Variants in TRIM6 observed in about 807,000 individuals in gnomAD.
The protein encoded by TRIM6 is tripartite motif containing 6.
TRIM6 carries 43 observed loss-of-function variants against 51.2 expected under a neutral mutation model. That is an observed-to-expected ratio of 0.84 (90% CI 0.66 to 1.08). TRIM6 has a LOEUF of 1.08. TRIM6 is among the 50% of genes least tolerant of loss of function. The probability of loss-of-function intolerance (pLI) is 0.00; values close to 1 mark genes in which losing one functional copy is unlikely to be tolerated. For missense variants in TRIM6, 669 were observed against 619.0 expected, an observed-to-expected ratio of 1.08 and a Z score of -0.86; for synonymous variants, 215 against 232.4, an observed-to-expected ratio of 0.93 and a Z score of 0.68.
intron 1 of TRIM6, among the ~76,000 whole-genome samples, chr11:5,597,519 A>C (rs909063024): frequency 6.6e-6 from 1 of 152,208 alleles, no homozygotes; most frequent in Non-Finnish European, 1.5e-5. Flanking sequence ...TAATAGGTTA[A>C]ATATAACCCT....
rs1267907560 is a variant in TRIM6, at chr11:5,610,163, G to C, written c.876G>C (p.Leu292=). The C allele has an allele frequency of 6.2e-7, 1 of 1,614,134 alleles. No homozygotes were observed. The highest frequency in any genetic ancestry group is 8.5e-7 in the Non-Finnish European group (1 of 1,180,008). Residue 292 remains leucine, a synonymous_variant, in exon 6 of 8, where the codon CTG becomes CTC. Transcript: ENST00000380097. ...TTTCTAGGAGTGAGTTCTGGACCCTGAGGAAGCCAGAAGCTCTCCCTACAA... is the reference window on the plus strand; with the variant it reads ...TTTCTAGGAGTGAGTTCTGGACCCTCAGGAAGCCAGAAGCTCTCCCTACAA... ...DVTERSEFWT[L]RKPEALPTKL... is the part of the protein sequence containing the mutation.
At chr11:5,605,307 G>T (rs1167823180) in intron 3 of TRIM6, 30 bp from the exon 4 acceptor site, 1 of 1,613,346 alleles carries the variant, frequency 6.2e-7, no homozygotes, top group East Asian at 2.2e-5. Flanking sequence ...TGACCGACTA[G>T]CAGCCTCTTT....
chr11:5,605,382 C>T lies in TRIM6; in HGVS notation c.649C>T (p.Gln217Ter). The T allele has an allele frequency of 1.2e-6, 2 of 1,614,138 alleles. No homozygotes were observed. Among genetic ancestry groups the T allele is most frequent in the South Asian group, 2.2e-5 (2 of 91,078 alleles). The change falls in exon 4 of 8, where the codon CAG becomes TAG. Residue 217 changes from glutamine (Q) to a stop codon, truncating the protein, a stop_gained. Coordinates refer to ENST00000380097, the MANE Select transcript of TRIM6 (RefSeq NM_001003818.3). LOFTEE classifies it high-confidence loss of function. ...ERCRIQTEFN[Q>*]LRNILDRVEQ... ...ATGCAGGATCCAGACAGAGTTTAATCAGCTGCGAAATATCCTAGACAGAGT... is the reference window on the plus strand; with the variant it reads ...ATGCAGGATCCAGACAGAGTTTAATTAGCTGCGAAATATCCTAGACAGAGT...
chr11:5,610,781 C>T lies in TRIM6; in HGVS notation c.990C>T (p.Asp330=), dbSNP rs773588622. The T allele has an allele frequency of 1.2e-5, 20 of 1,613,730 alleles. No individual in the cohort carries two copies. The highest frequency in any genetic ancestry group is 6.7e-5 in the East Asian group (3 of 44,894). The change falls in exon 8 of 8, where the codon GAC becomes GAT. Residue 330 remains aspartate (D), a synonymous_variant. Transcript: ENST00000380097. ...ELTDVQSYWV[D]VTLNPHTANL... is the part of the protein sequence containing the mutation. Reference sequence around the variant, plus strand: ...ATGTTGTACCTTTTCCTACAGTTGACGTGACCCTGAATCCACACACAGCTA... The same window carrying T: ...ATGTTGTACCTTTTCCTACAGTTGATGTGACCCTGAATCCACACACAGCTA...
intron 5 of TRIM6, 124 bp downstream of exon 5, chr11:5,608,518 G>C: frequency 7.1e-7 from 1 of 1,418,154 alleles, no homozygotes; most frequent in Non-Finnish European, 9.5e-7. Context: ...CTTGAATCGC[G>C]CATCACATGG....
chr11:5,604,497 G>A, intron 2 of TRIM6, 37 bp from the exon 3 acceptor site: 1 of 1,592,752 alleles, frequency 6.3e-7, no homozygotes, highest in African/African-American at 1.4e-5. Context: ...GTCAACTGAA[G>A]GCTTGATCCT....
At chr11:5,597,985 C>G (rs532493977) in intron 1 of TRIM6, among the ~76,000 whole-genome samples, 1 of 152,122 alleles carries the variant, frequency 6.6e-6, no homozygotes, top group Non-Finnish European at 1.5e-5. Context: ...TAAAGAACTC[C>G]AAGTGCTTGC....
At chr11:5,603,832 T>C in intron 2 of TRIM6, 97 bp downstream of exon 2, 2 of 1,489,178 alleles carry the variant, frequency 1.3e-6, no homozygotes, top group Non-Finnish European at 1.8e-6. Context: ...GTAGTCTTTA[T>C]TTACCTAGAG....
At chr11:5,602,361 T>A (rs1847920129) in intron 1 of TRIM6, among the ~76,000 whole-genome samples, 2 of 151,960 alleles carry the variant, frequency 1.3e-5, no homozygotes, top group Non-Finnish European at 2.9e-5. Flanking sequence ...GAGAATGGCT[T>A]GAACCCAGGA....
intron 4 of TRIM6, among the ~76,000 whole-genome samples, 153 bp downstream of exon 4, chr11:5,605,720 G>T (rs1238497469): frequency 3.3e-5 from 5 of 152,210 alleles, no homozygotes; most frequent in Admixed American, 2.6e-4. Context: ...ACTGTTTAGA[G>T]GTATGGAGTA....
At chr11:5,608,292 G>C in intron 4 of TRIM6, 80 bp from the exon 5 acceptor site, 1 of 1,590,852 alleles carries the variant, frequency 6.3e-7, no homozygotes, top group Non-Finnish European at 8.6e-7. Flanking sequence ...CATATCATGG[G>C]GTAGGGGACA....
chr11:5,604,162 T>TTGTG (rs551033017), intron 2 of TRIM6, among the ~76,000 whole-genome samples: 6 of 150,260 alleles, frequency 4.0e-5, no homozygotes, highest in African/African-American at 1.5e-4. Context: ...GCCCAGCTAA[T>TTGTG]TGTGTGTGTG....
In TRIM6 at chr11:5,610,190, G is replaced by T. The variant is rs146299868; in HGVS notation, c.903G>T (p.Lys301Asn). 7.4e-6 allele frequency: 12 copies of T among 1,614,030 alleles called. No individual in the cohort carries two copies. The highest frequency in any genetic ancestry group is 4.0e-5 in the African/African-American group (3 of 74,918). Residue 301 changes from lysine (K) to asparagine (N), a missense_variant, in exon 6 of 8, where the codon AAG (lysine) becomes AAT (asparagine). Transcript: ENST00000380097. ...GGAAGCCAGAAGCTCTCCCTACAAA[G>T]CTGAGAAGTATGTTCCGAGCCCCAG... ...TLRKPEALPT[K>N]LRSMFRAPDL... is the part of the protein sequence containing the mutation.
chr11:5,611,143 T>G lies in TRIM6; in HGVS notation c.1352T>G (p.Leu451Arg). ...TATGAGGATTCTTCCCCTTCCCTGC[T>G]TCTCTCCATGACAGTGCCCCCTCGC... is the stretch of plus-strand genomic sequence containing the variant. ...RAYEDSSPSL[L>R]LSMTVPPRRV... Residue 451 changes from leucine to arginine, a missense_variant, in exon 8 of 8, where the codon CTT becomes CGT. Leu to Arg is a moderately radical substitution (Grantham distance 102). Transcript: ENST00000380097. 1 of 1,614,156 alleles carries G rather than the reference T, an allele frequency of 6.2e-7. No individual in the cohort carries two copies. The highest frequency in any genetic ancestry group is 8.5e-7 in the Non-Finnish European group (1 of 1,180,014).
upstream of TRIM6, chr11:5,596,288 G>A (rs2133798757): frequency 6.5e-6 from 1 of 154,412 alleles, no homozygotes; most frequent in African/African-American, 2.4e-5. Flanking sequence ...GGTGAAAGAA[G>A]AATGAGGGAG....
At chr11:5,605,152 C>T in intron 3 of TRIM6, 185 bp from the exon 4 acceptor site, 1 of 766,980 alleles carries the variant, frequency 1.3e-6, no homozygotes, top group Non-Finnish European at 2.1e-6. Flanking sequence ...ATGGTCTGGG[C>T]AGAGCTGAAG....
rs139191411 is a variant in TRIM6 at position 5,610,918 on chromosome 11, A to C, written c.1127A>C (p.Gln376Pro). The change falls in exon 8 of 8, where the codon CAG becomes CCG. Residue 376 changes from glutamine (Q) to proline (P), a missense_variant. Coordinates refer to ENST00000380097, the MANE Select transcript of TRIM6 (RefSeq NM_001003818.3). ...TATGACTGTAGTGTCCTGGGCTCCC[A>C]GCACTTCTCCTCTGGTAAGCATTAC... Reference protein sequence around the residue: ...KHYDCSVLGSQHFSSGKHYWE... With the variant: ...KHYDCSVLGSPHFSSGKHYWE... 2.6e-4 allele frequency: 415 copies of C among 1,614,182 alleles called. 1 individual carries two copies. The highest frequency in any genetic ancestry group is 3.6e-5 in the Non-Finnish European group (42 of 1,180,032).
At position 5,605,541 on chromosome 11, in the gene TRIM6, CAG is replaced by C. The variant is rs773008388; in HGVS notation, c.809_810del (p.Gln270ArgfsTer12). ...CATCTCGGATCTGGAGCGTCGATGT[CAG>C]GGGTCAACAATGGAGCTGCTGCAGG... ...ELISDLERRCQGSTMELLQDV... is the reference protein window; with the variant it reads ...ELISDLERRCXGSTMELLQDV... On this transcript the variant is annotated frameshift_variant, in exon 4 of 8. Transcript: ENST00000380097. LOFTEE classifies it high-confidence loss of function. 17 of 1,613,652 alleles carry C rather than the reference CAG, an allele frequency of 1.1e-5. No individual in the cohort carries two copies. Among genetic ancestry groups the C allele is most frequent in the African/African-American group, 9.4e-5 (7 of 74,828 alleles).
rs757776151 is a variant in TRIM6 at position 5,603,651 on chromosome 11, GGT to G, written c.424_425del (p.Val142HisfsTer6). ...AGCTCTTCTGTCAGGAGGATGGGAA[GGT>G]CATTTGCTGGCTTTGTGAGCGGTCT... is the stretch of plus-strand genomic sequence containing the variant. ...LQLFCQEDGK[V>X]ICWLCERSQE... is the part of the protein sequence containing the mutation. On this transcript the variant is annotated frameshift_variant, in exon 2 of 8. Coordinates refer to ENST00000380097, the MANE Select transcript of TRIM6 (RefSeq NM_001003818.3). LOFTEE classifies it high-confidence loss of function. 1.7e-5 allele frequency: 28 copies of G among 1,613,458 alleles called. 1 individual carries two copies. Among genetic ancestry groups the G allele is most frequent in the Non-Finnish European group, 1.6e-5 (19 of 1,179,956 alleles).
Sources: gnomAD v4.1 joint callset for allele counts (sites outside exome capture counted in the v4.1 genomes callset) on GRCh38, gnomAD v4.1.1 for gene constraint, MANE v1.5 for transcripts, NCBI Gene and HGNC (gene_info 2026-07-23, HGNC 2026-07-21) for gene names.